ELMO1: variants seen among roughly 807,000 people sequenced by gnomAD.
ELMO1 encodes the protein engulfment and cell motility 1.
In ELMO1, 26 loss-of-function variants were observed where a neutral mutation model predicts 98.9. The observed-to-expected ratio is 0.26, with a 90% CI of 0.19 to 0.36. The LOEUF (loss-of-function observed/expected upper bound fraction) is 0.36. Among genes scored for constraint, ELMO1 ranks in the 10% least tolerant of loss-of-function variants. The probability of loss-of-function intolerance (pLI) is 1.00; values close to 1 mark genes in which losing one functional copy is unlikely to be tolerated. For synonymous variants in ELMO1, 346 were observed against 346.0 expected (o/e 1.00, Z 0.00); for missense variants, 627 against 935.2 (o/e 0.67, Z 4.30).
intron 13 of ELMO1, among the ~76,000 whole-genome samples, chr7:37,157,720 C>T (rs1346016641): frequency 6.6e-6 from 1 of 152,002 alleles, no homozygotes; most frequent in Non-Finnish European, 1.5e-5. Flanking sequence ...GTGAAAATGG[C>T]CATACTGCCC....
intron 2 of ELMO1, among the ~76,000 whole-genome samples, chr7:37,321,383 G>A (rs1473064000): frequency 6.6e-6 from 1 of 152,070 alleles, no homozygotes; most frequent in African/African-American, 2.4e-5. Flanking sequence ...ATACCTTTCT[G>A]TAGACCCGCT....
At chr7:37,386,123 G>A (rs917879867) in intron 1 of ELMO1, among the ~76,000 whole-genome samples, 1 of 152,216 alleles carries the variant, frequency 6.6e-6, no homozygotes, top group South Asian at 2.1e-4. Context: ...TTCATGCCCA[G>A]CCCTGGAGCT....
At chr7:36,935,419 C>A (rs1382982395) in intron 16 of ELMO1, among the ~76,000 whole-genome samples, 2 of 152,104 alleles carry the variant, frequency 1.3e-5, no homozygotes, top group Admixed American at 6.6e-5. Flanking sequence ...AAAAAAAATA[C>A]TAGTACTCTA....
At chr7:37,316,507 A>C (rs1799167013) in intron 2 of ELMO1, among the ~76,000 whole-genome samples, 1 of 152,214 alleles carries the variant, frequency 6.6e-6, no homozygotes, top group Non-Finnish European at 1.5e-5. Context: ...CTTGAGCCAG[A>C]CACACTCCAG....
intron 1 of ELMO1, among the ~76,000 whole-genome samples, chr7:37,411,726 G>A (rs963082778): frequency 6.6e-6 from 1 of 152,064 alleles, no homozygotes; most frequent in Non-Finnish European, 1.5e-5. Flanking sequence ...TCCTGATCTG[G>A]TTCATAAACT....
At chr7:37,302,022 GTA>G (rs1389470785) in intron 4 of ELMO1, among the ~76,000 whole-genome samples, 2 of 152,188 alleles carry the variant, frequency 1.3e-5, no homozygotes, top group African/African-American at 4.8e-5. Flanking sequence ...CTGGAAAATA[GTA>G]TACCTATCTG....
chr7:37,143,463 G>C (rs987626920), intron 13 of ELMO1, among the ~76,000 whole-genome samples: 1 of 152,096 alleles, frequency 6.6e-6, no homozygotes, highest in African/African-American at 2.4e-5. Context: ...CTGGAGTGCA[G>C]TGGTGCAATC....
chr7:36,929,127 C>G (rs913676162), intron 16 of ELMO1, among the ~76,000 whole-genome samples: 3 of 152,228 alleles, frequency 2.0e-5, no homozygotes, highest in Non-Finnish European at 4.4e-5. Context: ...GCCCCATACT[C>G]TCTAGTACTG....
At chr7:37,134,170 T>G (rs1340341172) in intron 13 of ELMO1, among the ~76,000 whole-genome samples, 1 of 152,182 alleles carries the variant, frequency 6.6e-6, no homozygotes, top group Non-Finnish European at 1.5e-5. Flanking sequence ...TTGATGGGAA[T>G]GTAAATTAGT....
intron 1 of ELMO1, among the ~76,000 whole-genome samples, chr7:37,383,457 C>G (rs1324873098): frequency 6.6e-6 from 1 of 152,222 alleles, no homozygotes; most frequent in Non-Finnish European, 1.5e-5. Flanking sequence ...GAGACGTTAA[C>G]TTTGACCACT....
intron 4 of ELMO1, among the ~76,000 whole-genome samples, chr7:37,280,758 G>A (rs1292236899): frequency 6.6e-6 from 1 of 152,036 alleles, no homozygotes; most frequent in Non-Finnish European, 1.5e-5. Context: ...CGGTGGGAAC[G>A]TAAACTACTA....
rs541208607 is a variant in ELMO1 at position 37,324,079 on chromosome 7, ACC to A, written c.79-8121_79-8120del. Reference sequence around the variant, plus strand: ...CTTCCTGGAAGCACCTTCCCAGGAGACCCCCCAGCTGTCAGCCCTCATCAGAG... The same window carrying A: ...CTTCCTGGAAGCACCTTCCCAGGAGACCCCAGCTGTCAGCCCTCATCAGAG... On this transcript the variant is annotated intron_variant, in intron 2 of 21. Transcript: ENST00000310758. Among the ~76,000 whole-genome samples the A allele has an allele frequency of 5.0e-3, 758 of 150,578 alleles. 25 individuals are homozygous for A. The highest frequency in any genetic ancestry group is 0.046 in the Admixed American group (696 of 15,136).
intron 1 of ELMO1, among the ~76,000 whole-genome samples, chr7:37,415,232 G>A (rs1804162915): frequency 6.6e-6 from 1 of 152,206 alleles, no homozygotes; most frequent in South Asian, 2.1e-4. Flanking sequence ...AAATTAGCAT[G>A]CATGTACTCC....
intron 2 of ELMO1, among the ~76,000 whole-genome samples, chr7:37,325,515 C>A (rs1455458028): frequency 6.6e-6 from 1 of 152,136 alleles, no homozygotes; most frequent in African/African-American, 2.4e-5. Context: ...GCTCCTCCAC[C>A]CTTCTGTCCA....
rs1584253971 is a variant in ELMO1, at chr7:36,855,424, A to T, written c.*127T>A. 2 of 1,219,116 alleles carry T rather than the reference A, an allele frequency of 1.6e-6. No homozygotes were observed. The highest frequency in any genetic ancestry group is 4.7e-5 in the East Asian group (2 of 42,758). 75.5% of individuals were successfully genotyped at this position (1,219,116 alleles called of 1,614,324 possible). On this transcript the variant is annotated 3_prime_UTR_variant, in exon 22 of 22. Transcript: ENST00000310758. This position sits in a 1 kb window ranked among gnomAD's most constrained non-coding sequence, Gnocchi z 4.2. ...GTTGCCAGGGCTAGAGGTGATGCTG[A>T]AGGGAATGTGGACCCACAGCTTCCC...
chr7:37,268,730 C>T (rs1183557524), intron 5 of ELMO1, among the ~76,000 whole-genome samples: 1 of 152,328 alleles, frequency 6.6e-6, no homozygotes, highest in East Asian at 1.9e-4. Context: ...TGTACAAGGC[C>T]TATTACAAAT....
intron 18 of ELMO1, among the ~76,000 whole-genome samples, chr7:36,886,416 T>C (rs544452202): frequency 4.1e-4 from 62 of 152,306 alleles, no homozygotes; most frequent in Non-Finnish European, 7.8e-4. Context: ...TTACAGTAAA[T>C]GGCCGGGGGA....
chr7:37,315,499 A>G (rs566236327), intron 3 of ELMO1, among the ~76,000 whole-genome samples: 4 of 152,308 alleles, frequency 2.6e-5, no homozygotes, highest in South Asian at 2.1e-4. Context: ...TAGGAAAGTC[A>G]TATCAGTGTG....
At chr7:36,883,311 A>G (rs1431316126) in intron 18 of ELMO1, among the ~76,000 whole-genome samples, 1 of 152,244 alleles carries the variant, frequency 6.6e-6, no homozygotes, top group African/African-American at 2.4e-5. Context: ...ATTCAATGCA[A>G]GTGATTCTGA....
Sources: gnomAD v4.1 joint callset for allele counts (sites outside exome capture counted in the v4.1 genomes callset) on GRCh38, gnomAD v4.1.1 for gene constraint, Gnocchi (gnomAD v3.1) non-coding constraint, MANE v1.5 for transcripts, NCBI Gene and HGNC (gene_info 2026-07-23, HGNC 2026-07-21) for gene names.